USF3: variants seen among roughly 807,000 people sequenced by gnomAD.
The protein encoded by USF3 is upstream transcription factor family member 3.
USF3 carries 29 observed loss-of-function variants against 157.5 expected under a neutral mutation model. That is an observed-to-expected ratio of 0.18 (90% CI 0.14 to 0.25). The LOEUF (loss-of-function observed/expected upper bound fraction) is 0.25. USF3 is among the 10% of genes least tolerant of loss of function. The pLI is 1.00. For synonymous variants in USF3, 893 were observed against 941.4 expected, an observed-to-expected ratio of 0.95 and a Z score of 0.94; for missense variants, 2,381 against 2,667.6, an observed-to-expected ratio of 0.89 and a Z score of 2.37.
intron 5 of USF3, among the ~76,000 whole-genome samples, chr3:113,668,189 C>A (rs976196646): frequency 6.6e-6 from 1 of 152,040 alleles, no homozygotes; most frequent in African/African-American, 2.4e-5. Flanking sequence ...CTGCCCAAAC[C>A]GCAGGAGACA....
intron 1 of USF3, among the ~76,000 whole-genome samples, chr3:113,693,117 GCTAT>G (rs1414432831): frequency 5.9e-5 from 9 of 152,208 alleles, no homozygotes; most frequent in South Asian, 2.1e-4. Flanking sequence ...GATGTATATG[GCTAT>G]CTTTTTATAA....
chr3:113,686,115 C>T (rs376929177), intron 1 of USF3, among the ~76,000 whole-genome samples: 5 of 152,128 alleles, frequency 3.3e-5, no homozygotes, highest in Non-Finnish European at 7.4e-5. Flanking sequence ...ATTTAGAACT[C>T]CAGAGCACTT....
At chr3:113,687,106 T>C (rs1487344306) in intron 1 of USF3, among the ~76,000 whole-genome samples, 2 of 152,124 alleles carry the variant, frequency 1.3e-5, no homozygotes, top group South Asian at 4.1e-4. Flanking sequence ...TATGGACTCA[T>C]GGAGATTTAT....
chr3:113,665,523 T>A (rs979841191), intron 5 of USF3, among the ~76,000 whole-genome samples: 2 of 152,198 alleles, frequency 1.3e-5, no homozygotes, highest in Non-Finnish European at 2.9e-5. Context: ...CCTATATACA[T>A]CCTTTTTAAA....
At chr3:113,667,342 T>A (rs2107934565) in intron 5 of USF3, among the ~76,000 whole-genome samples, 1 of 152,332 alleles carries the variant, frequency 6.6e-6, no homozygotes, top group East Asian at 1.9e-4. Context: ...AATACTGACT[T>A]CCTTTGCACA....
At chr3:113,671,280 A>G (rs1211822711) in intron 4 of USF3, among the ~76,000 whole-genome samples, 4 of 152,054 alleles carry the variant, frequency 2.6e-5, no homozygotes, top group Non-Finnish European at 5.9e-5. Context: ...ACCTTAAAAC[A>G]CCTTTTTGGA....
chr3:113,678,289 A>G (rs927585625), intron 1 of USF3, among the ~76,000 whole-genome samples: 3 of 152,122 alleles, frequency 2.0e-5, no homozygotes, highest in African/African-American at 7.2e-5. Context: ...AATTTCACAT[A>G]TAATTAAGGT....
rs765820639 is a variant in USF3 at position 113,661,368 on chromosome 3, C to T, written c.314G>A (p.Arg105Gln). The change falls in exon 7 of 7, where the codon CGA becomes CAA. Residue 105 changes from arginine to glutamine, a missense_variant. Arg to Gln is a conservative substitution (Grantham distance 43). Coordinates refer to ENST00000316407, the MANE Select transcript of USF3 (RefSeq NM_001009899.4). ...QLEEIQKENG[R>Q]YIELLKANDI... ...ATTAGCTTTCAGTAATTCAATATAT[C>T]GGCCATTTTCTTTTTGGATTTCTTC... 2.0e-5 allele frequency: 31 copies of T among 1,586,726 alleles called. No homozygotes were observed. In the Admixed American group the frequency reaches 3.9e-4, roughly 20 times the overall value.
intron 3 of USF3, among the ~76,000 whole-genome samples, chr3:113,674,033 T>C (rs761989519): frequency 6.6e-6 from 1 of 152,222 alleles, no homozygotes; most frequent in Non-Finnish European, 1.5e-5. Flanking sequence ...ATTTTAATAT[T>C]AGTAGAACCA....
intron 1 of USF3, among the ~76,000 whole-genome samples, chr3:113,688,947 T>TGTG: frequency 6.6e-6 from 1 of 151,970 alleles, no homozygotes; most frequent in East Asian, 1.9e-4. Flanking sequence ...CGGAGAATGG[T>TGTG]ATGAACCTGG....
chr3:113,666,929 T>C lies in USF3; in HGVS notation c.160-2520A>G, dbSNP rs556756902. On this transcript the variant is annotated intron_variant, in intron 5 of 6. Coordinates refer to ENST00000316407, the MANE Select transcript of USF3 (RefSeq NM_001009899.4). ...TGACTGTATTTATTTTATTTACCAGTCTATTATTGATAAACATTTAAGATA... is the reference window on the plus strand; with the variant it reads ...TGACTGTATTTATTTTATTTACCAGCCTATTATTGATAAACATTTAAGATA... Among the ~76,000 whole-genome samples the C allele has an allele frequency of 2.8e-4, 42 of 152,240 alleles. 1 individual carries two copies. Among genetic ancestry groups the C allele is most frequent in the Admixed American group, 2.0e-3 (31 of 15,284 alleles).
intron 5 of USF3, among the ~76,000 whole-genome samples, chr3:113,668,144 G>A (rs1947599069): frequency 6.6e-6 from 1 of 151,744 alleles, no homozygotes. Context: ...CTGCCCCCAC[G>A]CACATATTCT....
intron 4 of USF3, among the ~76,000 whole-genome samples, chr3:113,671,765 C>CTTTTT (rs10686146): frequency 8.8e-6 from 1 of 113,154 alleles, no homozygotes; most frequent in Non-Finnish European, 1.8e-5. Flanking sequence ...TTTCTTCTTC[C>CTTTTT]TTTTTTTTTT....
chr3:113,666,907 C>T (rs1947579362), intron 5 of USF3, among the ~76,000 whole-genome samples: 1 of 151,992 alleles, frequency 6.6e-6, no homozygotes, highest in African/African-American at 2.4e-5. Flanking sequence ...TTGCTAATGA[C>T]TGTATTTATT....
intron 4 of USF3, 27 bp from the exon 5 acceptor site, chr3:113,670,230 A>G (rs751222922): frequency 7.6e-7 from 1 of 1,312,088 alleles, no homozygotes; most frequent in Non-Finnish European, 1.1e-6. Context: ...TCGTTTATCA[A>G]ACCTTACACT....
At chr3:113,687,269 C>A (rs1463314701) in intron 1 of USF3, among the ~76,000 whole-genome samples, 5 of 120,994 alleles carry the variant, frequency 4.1e-5, no homozygotes, top group East Asian at 4.8e-4. Flanking sequence ...ACACACACCC[C>A]CTTTCTAGTA....
At chr3:113,664,252 G>T in intron 6 of USF3, 61 bp downstream of exon 6, 1 of 1,082,924 alleles carries the variant, frequency 9.2e-7, no homozygotes, top group Non-Finnish European at 1.4e-6. Flanking sequence ...AAATTTCACT[G>T]TGACACAAAC....
At chr3:113,688,121 T>C (rs1228197886) in intron 1 of USF3, among the ~76,000 whole-genome samples, 1 of 151,842 alleles carries the variant, frequency 6.6e-6, no homozygotes, top group Admixed American at 6.6e-5. Context: ...GCCCCCACTT[T>C]CTTTTTTTTT....
rs1481252720 is a variant in USF3, at chr3:113,655,648, G to A, written c.6034C>T (p.Pro2012Ser). The A allele has an allele frequency of 1.2e-6, 2 of 1,613,874 alleles. No homozygotes were observed. Among genetic ancestry groups the A allele is most frequent in the African/African-American group, 2.7e-5 (2 of 75,062 alleles). The part of the protein sequence containing the change: ...RQSTVFDPSL[P>S]HLPLSTGGSM... Reference sequence around the variant, plus strand: ...CCACCAGTAGAGAGAGGAAGATGGGGAAGACTTGGATCAAAGACAGTACTT... The same window carrying A: ...CCACCAGTAGAGAGAGGAAGATGGGAAAGACTTGGATCAAAGACAGTACTT... The change falls in exon 7 of 7, where the codon CCC (proline) becomes TCC (serine). Residue 2012 changes from proline to serine, a missense_variant. Transcript: ENST00000316407.
Sources: allele counts gnomAD v4.1 joint callset (sites outside exome capture counted in the v4.1 genomes callset), GRCh38; gene constraint gnomAD v4.1.1; transcripts MANE v1.5; gene names NCBI Gene and HGNC (gene_info 2026-07-23, HGNC 2026-07-21).